The following EMCN variants were observed in gnomAD, a reference collection of about 807,000 sequenced individuals.
EMCN encodes endomucin.
Under a neutral mutation model 38.4 loss-of-function variants are expected in EMCN, and 37 were observed. The observed-to-expected ratio is 0.96, with a 90% CI of 0.74 to 1.27. The LOEUF (loss-of-function observed/expected upper bound fraction) is 1.27. EMCN is among the 50% of genes most tolerant of loss of function. EMCN has a pLI of 0.00. For missense variants in EMCN, 318 were observed against 302.8 expected, an observed-to-expected ratio of 1.05 and a Z score of -0.37; for synonymous variants, 95 against 100.8, an observed-to-expected ratio of 0.94 and a Z score of 0.35.
chr4:100,463,935 A>G (rs1244902355), intron 4 of EMCN, among the ~76,000 whole-genome samples: 2 of 152,056 alleles, frequency 1.3e-5, no homozygotes, highest in African/African-American at 4.8e-5. Context: ...CATCTTATCA[A>G]TTTCTTTAAA....
intron 5 of EMCN, among the ~76,000 whole-genome samples, chr4:100,440,701 G>A (rs1727489047): frequency 6.6e-6 from 1 of 151,884 alleles, no homozygotes; most frequent in African/African-American, 2.4e-5. Flanking sequence ...CCACATTTTT[G>A]CAGTTGTAAA....
intron 11 of EMCN, among the ~76,000 whole-genome samples, chr4:100,400,334 C>T (rs955933703): frequency 6.7e-6 from 1 of 149,698 alleles, no homozygotes; most frequent in South Asian, 2.2e-4. Context: ...AAAATCTTTC[C>T]TCTCTTCACC....
At chr4:100,507,761 C>T (rs758077839) in intron 1 of EMCN, among the ~76,000 whole-genome samples, 18 of 152,034 alleles carry the variant, frequency 1.2e-4, no homozygotes, top group South Asian at 4.1e-4. Flanking sequence ...ATCTTTTTTC[C>T]GGATGTTGGT....
At chr4:100,448,213 T>G (rs942162593) in intron 4 of EMCN, among the ~76,000 whole-genome samples, 2 of 152,130 alleles carry the variant, frequency 1.3e-5, no homozygotes, top group African/African-American at 4.8e-5. Context: ...AGAATTATAA[T>G]CAAAGATCAC....
intron 1 of EMCN, among the ~76,000 whole-genome samples, chr4:100,485,361 A>G (rs1728914323): frequency 6.6e-6 from 1 of 152,140 alleles, no homozygotes; most frequent in Admixed American, 6.5e-5. Flanking sequence ...GTGCATTTTT[A>G]TTCTCTGGTG....
Position 100,517,900 on chromosome 4 carries a change from T to C in EMCN, c.15A>G (p.Gln5=). The C allele has an allele frequency of 6.2e-7, 1 of 1,612,766 alleles. No individual in the cohort carries two copies. The highest frequency in any genetic ancestry group is 8.5e-7 in the Non-Finnish European group (1 of 1,179,004). The part of the protein sequence containing the change: MELL[Q]VTILFLLPSI... ...TGGGCAGAAGAAAAAGAATGGTCAC[T>C]TGAAGCAGTTCCATGGTGCCCGTAG... The change falls in exon 1 of 12, where the codon CAA becomes CAG. Residue 5 remains glutamine, a synonymous_variant. Coordinates refer to ENST00000296420, the MANE Select transcript of EMCN (RefSeq NM_016242.4).
At chr4:100,510,635 T>A (rs1271443202) in intron 1 of EMCN, among the ~76,000 whole-genome samples, 2 of 152,158 alleles carry the variant, frequency 1.3e-5, no homozygotes, top group African/African-American at 4.8e-5. Flanking sequence ...CCCTATGAGG[T>A]AATTCCTTGT....
At chr4:100,516,679 T>G (rs1448363377) in intron 1 of EMCN, among the ~76,000 whole-genome samples, 2 of 152,120 alleles carry the variant, frequency 1.3e-5, no homozygotes, top group Admixed American at 1.3e-4. Context: ...GAATTTGAAG[T>G]GTTTTTGAAT....
intron 1 of EMCN, among the ~76,000 whole-genome samples, chr4:100,515,415 A>G (rs1729726040): frequency 6.6e-6 from 1 of 152,134 alleles, no homozygotes; most frequent in African/African-American, 2.4e-5. Context: ...TGGAGACTGA[A>G]AAAATATTAT....
intron 11 of EMCN, among the ~76,000 whole-genome samples, chr4:100,403,919 T>C (rs1726325206): frequency 6.6e-6 from 1 of 152,088 alleles, no homozygotes; most frequent in African/African-American, 2.4e-5. Context: ...TTTAATGGGG[T>C]TGTTTTTTAC....
chr4:100,463,380 G>A (rs1393963359), intron 4 of EMCN, among the ~76,000 whole-genome samples: 2 of 152,010 alleles, frequency 1.3e-5, no homozygotes, highest in Admixed American at 6.6e-5. Flanking sequence ...TTCAATTCCC[G>A]TAGCTAACTC....
At chr4:100,487,269 G>A (rs1479598302) in intron 1 of EMCN, among the ~76,000 whole-genome samples, 2 of 152,024 alleles carry the variant, frequency 1.3e-5, no homozygotes, top group African/African-American at 4.8e-5. Context: ...TCCTTATAAG[G>A]AAGTTACCTT....
intron 1 of EMCN, chr4:100,487,078 T>G (rs1021304185): frequency 6.2e-5 from 59 of 947,272 alleles, no homozygotes; most frequent in Non-Finnish European, 7.3e-5. Context: ...AATGTAGGAG[T>G]GGGAGGAAAA....
At chr4:100,514,720 T>C (rs948686393) in intron 1 of EMCN, among the ~76,000 whole-genome samples, 23 of 152,132 alleles carry the variant, frequency 1.5e-4, no homozygotes, top group African/African-American at 5.1e-4. Context: ...AATGTTTCAA[T>C]GTATCTACTC....
At chr4:100,445,777 G>A (rs1727653133) in intron 5 of EMCN, among the ~76,000 whole-genome samples, 2 of 152,096 alleles carry the variant, frequency 1.3e-5, no homozygotes, top group South Asian at 4.2e-4. Context: ...ATCTTTTGGG[G>A]GATGGTGTTT....
At position 100,517,878 on chromosome 4, in the gene EMCN, G is replaced by C. The variant is rs1046513013; in HGVS notation, c.37C>G (p.Pro13Ala). 1.2e-6 allele frequency: 2 copies of C among 1,612,826 alleles called. No individual in the cohort carries two copies. The highest frequency in any genetic ancestry group is 1.1e-5 in the South Asian group (1 of 91,064). Residue 13 changes from proline (P) to alanine (A), a missense_variant, in exon 1 of 12, where the codon CCC becomes GCC. Physicochemically the swap from Pro to Ala is conservative, Grantham distance 27 (BLOSUM62 -1). Transcript: ENST00000296420. ...LLQVTILFLL[P>A]SICSSNSTGV... ...GTGCTGTTACTGCTGCAAATACTGG[G>C]CAGAAGAAAAAGAATGGTCACTTGA...
chr4:100,516,389 G>GGA (rs143625450), intron 1 of EMCN, among the ~76,000 whole-genome samples: 2,759 of 152,084 alleles, frequency 0.018, 75 homozygotes, highest in African/African-American at 0.063. Flanking sequence ...TTGCAGACCT[G>GGA]GAGCAGCGAG....
At chr4:100,417,969 G>C (rs936484097) in intron 8 of EMCN, among the ~76,000 whole-genome samples, 2 of 152,098 alleles carry the variant, frequency 1.3e-5, no homozygotes, top group African/African-American at 2.4e-5. Context: ...TTGTCATTGA[G>C]TATGCCCTTT....
In EMCN at chr4:100,398,160, G is replaced by T. The variant is rs190154394; in HGVS notation, c.*253C>A. 6.6e-6 allele frequency: 1 copy of T among 152,058 alleles called. No homozygotes were observed. The highest frequency in any genetic ancestry group is 2.1e-4 in the South Asian group (1 of 4,832). The allele number at this position is 152,058 out of a possible 1,614,324, so 9.4% of individuals were successfully genotyped here. On this transcript the variant is annotated 3_prime_UTR_variant, in exon 12 of 12. Coordinates refer to ENST00000296420, the MANE Select transcript of EMCN (RefSeq NM_016242.4). ...TCCTAAAATTCCTTTTCCTAGGAAC[G>T]CTCCTGTAAATGGAGTAATGGAATT...
Sources: gnomAD v4.1 joint callset for allele counts (sites outside exome capture counted in the v4.1 genomes callset) on GRCh38, gnomAD v4.1.1 for gene constraint, MANE v1.5 for transcripts, NCBI Gene and HGNC (gene_info 2026-07-23, HGNC 2026-07-21) for gene names.